Variants in MED13L observed in about 807,000 individuals in gnomAD.
The protein encoded by MED13L is mediator of RNA polymerase II transcription subunit 13-like.
A neutral mutation model predicts 220.9 loss-of-function variants in MED13L; 7 were observed. The observed-to-expected ratio is 0.03, with a 90% CI of 0.02 to 0.06. The LOEUF is 0.06. Among genes scored for constraint, MED13L ranks in the 10% least tolerant of loss-of-function variants. The probability of loss-of-function intolerance (pLI) is 1.00; values close to 1 mark genes in which losing one functional copy is unlikely to be tolerated. For missense variants in MED13L, 1,965 were observed against 2,760.5 expected (o/e 0.71, Z 6.46); for synonymous variants, 1,011 against 1,015.2 (o/e 1.00, Z 0.08).
At chr12:116,008,368 T>C (rs753611873) in intron 10 of MED13L, 33 bp downstream of exon 10, 140 of 1,578,644 alleles carry the variant, frequency 8.9e-5, no homozygotes, top group Non-Finnish European at 3.9e-5. Context: ...GCCCTTCCGG[T>C]GGACGGGTGG....
chr12:116,253,231 C>T (rs540824261), intron 1 of MED13L, among the ~76,000 whole-genome samples: 98 of 149,308 alleles, frequency 6.6e-4, no homozygotes, highest in African/African-American at 2.3e-3. Flanking sequence ...AAGATGGCGC[C>T]ATTGCACTCC....
chr12:115,988,030 C>T (rs548076185), intron 17 of MED13L, among the ~76,000 whole-genome samples: 2 of 152,266 alleles, frequency 1.3e-5, no homozygotes, highest in Non-Finnish European at 2.9e-5. Context: ...AAATCAGATT[C>T]TTAAAAAGGT....
intron 3 of MED13L, among the ~76,000 whole-genome samples, chr12:116,105,727 T>A (rs1873512678): frequency 6.6e-6 from 1 of 152,172 alleles, no homozygotes. Context: ...AATTAATAGG[T>A]ATGGCAGACA....
intron 1 of MED13L, among the ~76,000 whole-genome samples, chr12:116,241,344 ACAC>A (rs1565945141): frequency 4.9e-4 from 72 of 146,556 alleles, no homozygotes; most frequent in African/African-American, 1.6e-3. Flanking sequence ...AAAAAAAAAC[ACAC>A]ACACACACAC....
chr12:116,264,813 C>G lies in MED13L; in HGVS notation c.72+12247G>C, dbSNP rs117480015. Among the ~76,000 whole-genome samples the G allele has an allele frequency of 2.8e-3, 429 of 152,254 alleles. 1 individual carries two copies. Among genetic ancestry groups the G allele is most frequent in the Non-Finnish European group, 4.4e-3 (298 of 68,024 alleles). ...CCTACTCCCCCATTCCTGCTTGCTT[C>G]ACAATCAACCTTCTGAATCAAACTT... On this transcript the variant is annotated intron_variant, in intron 1 of 30. Transcript: ENST00000281928.
intron 1 of MED13L, chr12:116,276,835 G>T (rs1462334973): frequency 1.1e-5 from 12 of 1,068,700 alleles, no homozygotes; most frequent in Non-Finnish European, 1.6e-5. Flanking sequence ...CACGCCGAGC[G>T]CCGCGCTCAC....
At chr12:115,980,994 T>G in intron 22 of MED13L, 56 bp from the exon 23 acceptor site, 1 of 1,447,150 alleles carries the variant, frequency 6.9e-7, no homozygotes, top group Non-Finnish European at 9.5e-7. Flanking sequence ...AACTGAGATC[T>G]AACACACTAA....
At chr12:116,180,348 C>T (rs189829203) in intron 2 of MED13L, among the ~76,000 whole-genome samples, 2 of 152,308 alleles carry the variant, frequency 1.3e-5, no homozygotes, top group East Asian at 3.9e-4. Context: ...CATTTGACCT[C>T]CTATGACAGG....
intron 4 of MED13L, among the ~76,000 whole-genome samples, chr12:116,090,215 G>A (rs1294208224): frequency 6.6e-6 from 1 of 152,108 alleles, no homozygotes; most frequent in African/African-American, 2.4e-5. Context: ...AGTGGCTTTT[G>A]GCTAAGACAC....
At chr12:116,128,998 G>A (rs1245772751) in intron 2 of MED13L, among the ~76,000 whole-genome samples, 1 of 152,012 alleles carries the variant, frequency 6.6e-6, no homozygotes, top group Non-Finnish European at 1.5e-5. Flanking sequence ...CATTTTTGTG[G>A]ACGTTTTAGT....
chr12:116,003,554 T>C (rs1878877485), intron 13 of MED13L, among the ~76,000 whole-genome samples: 2 of 152,136 alleles, frequency 1.3e-5, no homozygotes, highest in South Asian at 2.1e-4. Flanking sequence ...CCTATTTTTA[T>C]AGTTACTATT....
chr12:116,119,839 ATATAT>A (rs1429569238), intron 2 of MED13L, among the ~76,000 whole-genome samples: 2 of 49,302 alleles, frequency 4.1e-5, no homozygotes, highest in African/African-American at 1.9e-4. Context: ...AAAAAAAAAA[ATATAT>A]ATATATATAT....
At chr12:116,006,086 CCTGT>C in intron 12 of MED13L, 93 bp from the exon 13 acceptor site, 1 of 1,536,272 alleles carries the variant, frequency 6.5e-7, no homozygotes, top group South Asian at 1.1e-5. Flanking sequence ...ACATGACCTG[CCTGT>C]GAGTTTTTCC....
At chr12:116,179,937 G>A (rs1880393767) in intron 2 of MED13L, among the ~76,000 whole-genome samples, 1 of 152,156 alleles carries the variant, frequency 6.6e-6, no homozygotes, top group South Asian at 2.1e-4. Context: ...AACTGTAAAA[G>A]ATTCCAGTGA....
intron 2 of MED13L, among the ~76,000 whole-genome samples, chr12:116,202,618 T>G (rs527622469): frequency 3.3e-5 from 5 of 152,284 alleles, no homozygotes; most frequent in Middle Eastern, 3.4e-3. Flanking sequence ...CCAAGCTGTA[T>G]GACACTGAGC....
chr12:116,161,403 T>C (rs1235910195), intron 2 of MED13L, among the ~76,000 whole-genome samples: 1 of 152,224 alleles, frequency 6.6e-6, no homozygotes, highest in East Asian at 1.9e-4. Flanking sequence ...CCAACCACCT[T>C]CCAGTACTAA....
chr12:116,102,925 T>C (rs2137850382), intron 3 of MED13L, among the ~76,000 whole-genome samples: 1 of 151,258 alleles, frequency 6.6e-6, no homozygotes, highest in African/African-American at 2.4e-5. Context: ...ACCATGTTGG[T>C]CAGGCTGGTC....
At chr12:116,161,872 T>C (rs1271095434) in intron 2 of MED13L, among the ~76,000 whole-genome samples, 4 of 152,182 alleles carry the variant, frequency 2.6e-5, no homozygotes, top group African/African-American at 9.7e-5. Context: ...TATTTATCCA[T>C]ATGCTCTCTA....
chr12:116,052,768 G>C (rs765391165), intron 4 of MED13L, among the ~76,000 whole-genome samples: 15 of 152,210 alleles, frequency 9.9e-5, no homozygotes, highest in Non-Finnish European at 1.3e-4. Flanking sequence ...ACTGGGAAGA[G>C]GAAGCAGGGG....
Sources: allele counts gnomAD v4.1 joint callset (sites outside exome capture counted in the v4.1 genomes callset), GRCh38; gene constraint gnomAD v4.1.1; transcripts MANE v1.5; gene names NCBI Gene and HGNC (gene_info 2026-07-23, HGNC 2026-07-21).